Variants in NBEA observed in about 807,000 individuals in gnomAD.
NBEA encodes neurobeachin, also known as lysosomal-trafficking regulator 2.
Under a neutral mutation model 343.4 loss-of-function variants are expected in NBEA, and 44 were observed. That is an observed-to-expected ratio of 0.13 (90% CI 0.10 to 0.16). The LOEUF is 0.16. Ranked by LOEUF, NBEA falls within the 10% of genes least tolerant of loss-of-function variation. The probability of loss-of-function intolerance (pLI) is 1.00; values close to 1 mark genes in which losing one functional copy is unlikely to be tolerated. For synonymous variants in NBEA, 1,175 were observed against 1,238.7 expected, an observed-to-expected ratio of 0.95 and a Z score of 1.08; for missense variants, 2,555 against 3,631.3, an observed-to-expected ratio of 0.70 and a Z score of 7.62.
intron 1 of NBEA, among the ~76,000 whole-genome samples, chr13:34,975,948 A>G (rs759313270): frequency 9.2e-5 from 14 of 152,190 alleles, no homozygotes; most frequent in Non-Finnish European, 1.8e-4. Context: ...ATGTGGTGAA[A>G]AGGGAACACT....
chr13:34,956,468 TTA>T (rs2152487476), intron 1 of NBEA, among the ~76,000 whole-genome samples: 1 of 152,110 alleles, frequency 6.6e-6, no homozygotes, highest in African/African-American at 2.4e-5. Context: ...CTTTATCTTT[TTA>T]TAGAGGTAAA....
chr13:35,039,783 C>T (rs2062581801), intron 1 of NBEA, among the ~76,000 whole-genome samples: 1 of 152,060 alleles, frequency 6.6e-6, no homozygotes, highest in Admixed American at 6.6e-5. Context: ...CTTCTTGATC[C>T]TAATTCTACT....
At chr13:35,074,111 T>C (rs937663021) in intron 10 of NBEA, among the ~76,000 whole-genome samples, 1 of 152,208 alleles carries the variant, frequency 6.6e-6, no homozygotes, top group Admixed American at 6.5e-5. Flanking sequence ...ATCTTGAATT[T>C]AGTATTTATT....
chr13:35,223,195 G>C (rs2074468762), intron 33 of NBEA, among the ~76,000 whole-genome samples: 1 of 152,120 alleles, frequency 6.6e-6, no homozygotes, highest in Non-Finnish European at 1.5e-5. Flanking sequence ...TTTTATTTTA[G>C]AGCAATTAAA....
intron 34 of NBEA, among the ~76,000 whole-genome samples, chr13:35,274,107 A>G (rs1566551623): frequency 6.6e-6 from 1 of 152,164 alleles, no homozygotes; most frequent in Non-Finnish European, 1.5e-5. Flanking sequence ...AACGCAAAAA[A>G]TTCTCAATAA....
chr13:35,519,331 T>A (rs1348248997), intron 41 of NBEA, among the ~76,000 whole-genome samples: 1 of 152,194 alleles, frequency 6.6e-6, no homozygotes, highest in Non-Finnish European at 1.5e-5. Context: ...ATTTCTTTAT[T>A]CAATTTCTTG....
chr13:35,183,119 CA>C (rs1159455178), intron 29 of NBEA, among the ~76,000 whole-genome samples: 1 of 151,820 alleles, frequency 6.6e-6, no homozygotes, highest in Non-Finnish European at 1.5e-5. Context: ...TTTTCATTTG[CA>C]AAAAATGCTC....
At chr13:35,288,682 G>A (rs1287602967) in intron 34 of NBEA, among the ~76,000 whole-genome samples, 1 of 151,846 alleles carries the variant, frequency 6.6e-6, no homozygotes, top group Non-Finnish European at 1.5e-5. Context: ...GCAATTTCAT[G>A]TTTTTCCAAT....
intron 38 of NBEA, among the ~76,000 whole-genome samples, chr13:35,376,831 G>C (rs2041767352): frequency 6.6e-6 from 1 of 152,090 alleles, no homozygotes; most frequent in Non-Finnish European, 1.5e-5. Flanking sequence ...ATACAGGGAG[G>C]CTGCAGAAAA....
chr13:34,986,316 T>G (rs996166351), intron 1 of NBEA, among the ~76,000 whole-genome samples: 3 of 150,840 alleles, frequency 2.0e-5, no homozygotes, highest in African/African-American at 7.3e-5. Flanking sequence ...CAGGAGCAGG[T>G]TTTTCAGTTT....
intron 38 of NBEA, among the ~76,000 whole-genome samples, chr13:35,392,677 T>C (rs2042561718): frequency 6.6e-6 from 1 of 152,134 alleles, no homozygotes; most frequent in Non-Finnish European, 1.5e-5. Flanking sequence ...ATCCCAAGGG[T>C]TGTGCATAAG....
chr13:35,668,974 G>A (rs1047890983), intron 58 of NBEA, among the ~76,000 whole-genome samples: 3 of 152,318 alleles, frequency 2.0e-5, no homozygotes, highest in Admixed American at 2.0e-4. Flanking sequence ...ACAGCATGCG[G>A]CACTCACGCA....
At chr13:35,308,235 C>T (rs2037030185) in intron 35 of NBEA, among the ~76,000 whole-genome samples, 1 of 151,188 alleles carries the variant, frequency 6.6e-6, no homozygotes, top group Non-Finnish European at 1.5e-5. Flanking sequence ...TTTTGTGAAG[C>T]TGAACCCATG....
chr13:35,308,518 ATATGTATATATATG>A (rs2037106211), intron 35 of NBEA, among the ~76,000 whole-genome samples: 2 of 123,562 alleles, frequency 1.6e-5, no homozygotes, highest in African/African-American at 5.9e-5. Flanking sequence ...ATATGTGTAT[ATATGTATATATATG>A]TATATATGTA....
At chr13:35,371,499 T>A (rs2041432387) in intron 38 of NBEA, among the ~76,000 whole-genome samples, 1 of 152,082 alleles carries the variant, frequency 6.6e-6, no homozygotes, top group Admixed American at 6.5e-5. Flanking sequence ...AAATTTCTCA[T>A]TCATATTCTG....
intron 33 of NBEA, among the ~76,000 whole-genome samples, chr13:35,212,571 G>A (rs1234678055): frequency 2.6e-5 from 4 of 152,058 alleles, no homozygotes; most frequent in African/African-American, 9.7e-5. Context: ...CTGATTCGTA[G>A]TGTTTGTATA....
At chr13:35,490,252 T>A (rs2076453933) in intron 41 of NBEA, among the ~76,000 whole-genome samples, 1 of 151,974 alleles carries the variant, frequency 6.6e-6, no homozygotes, top group South Asian at 2.1e-4. Flanking sequence ...CTATTTGATC[T>A]TCTGTTGTCT....
intron 34 of NBEA, among the ~76,000 whole-genome samples, chr13:35,244,937 G>A (rs1379497690): frequency 6.6e-6 from 1 of 151,964 alleles, no homozygotes; most frequent in South Asian, 2.1e-4. Flanking sequence ...CTACTGATTC[G>A]TCTACATTAA....
intron 1 of NBEA, among the ~76,000 whole-genome samples, chr13:34,982,679 C>G (rs1211877629): frequency 6.6e-6 from 1 of 152,106 alleles, no homozygotes; most frequent in Non-Finnish European, 1.5e-5. Flanking sequence ...TGAGACTCGT[C>G]TTATGGCTCA....
Sources: gnomAD v4.1 joint callset for allele counts (sites outside exome capture counted in the v4.1 genomes callset) on GRCh38, gnomAD v4.1.1 for gene constraint, MANE v1.5 for transcripts, NCBI Gene and HGNC (gene_info 2026-07-23, HGNC 2026-07-21) for gene names.